Variants in PCDH9 observed in about 807,000 individuals in gnomAD.
The protein encoded by PCDH9 is protocadherin 9, also known as protocadherin-9.
Under a neutral mutation model 70.6 loss-of-function variants are expected in PCDH9, and 24 were observed. That is an observed-to-expected ratio of 0.34 (90% CI 0.25 to 0.48). The LOEUF is 0.48. Ranked by LOEUF, PCDH9 falls within the 20% of genes least tolerant of loss-of-function variation. PCDH9 has a pLI of 0.99. For synonymous variants in PCDH9, 562 were observed against 558.5 expected (o/e 1.01, Z -0.09); for missense variants, 1,281 against 1,503.6 (o/e 0.85, Z 2.45).
At chr13:66,678,777 C>A (rs1181186277) in intron 3 of PCDH9, among the ~76,000 whole-genome samples, 3 of 151,654 alleles carry the variant, frequency 2.0e-5, no homozygotes, top group African/African-American at 7.3e-5. Context: ...TTCAAAAAAT[C>A]TCAAAGAATT....
At chr13:66,664,972 T>G (rs1307549246) in intron 3 of PCDH9, among the ~76,000 whole-genome samples, 1 of 152,066 alleles carries the variant, frequency 6.6e-6, no homozygotes, top group Admixed American at 6.6e-5. Context: ...TAAAATGCAG[T>G]CTACTTACAC....
At chr13:66,688,644 G>A (rs1212430936) in intron 3 of PCDH9, among the ~76,000 whole-genome samples, 1 of 152,070 alleles carries the variant, frequency 6.6e-6, no homozygotes, top group Non-Finnish European at 1.5e-5. Context: ...TTCACCAATA[G>A]TGCAACTTTA....
At chr13:66,859,503 A>G (rs2119758) in intron 3 of PCDH9, among the ~76,000 whole-genome samples, 20,719 of 152,136 alleles carry the variant, frequency 0.14, 1,469 homozygotes, top group Middle Eastern at 0.21. Flanking sequence ...TTTTACATTC[A>G]CTATTTAAAT....
intron 4 of PCDH9, among the ~76,000 whole-genome samples, chr13:66,396,615 A>C (rs1057339776): frequency 6.6e-6 from 1 of 152,222 alleles, no homozygotes; most frequent in Non-Finnish European, 1.5e-5. Flanking sequence ...ACAACTAAAT[A>C]TCTGTGATTC....
At chr13:67,225,329 A>G (rs1313834706) in intron 2 of PCDH9, 76 bp downstream of exon 2, 20 of 1,463,224 alleles carry the variant, frequency 1.4e-5, no homozygotes, top group Non-Finnish European at 1.9e-5. Flanking sequence ...AAAACAATAG[A>G]CATACTGGCA....
intron 4 of PCDH9, among the ~76,000 whole-genome samples, chr13:66,559,416 T>C (rs1465642330): frequency 2.6e-5 from 4 of 152,146 alleles, no homozygotes; most frequent in African/African-American, 9.7e-5. Context: ...ATCCTACAAA[T>C]CTCTTCAGGA....
intron 3 of PCDH9, among the ~76,000 whole-genome samples, chr13:66,787,567 G>A (rs181960339): frequency 6.6e-6 from 1 of 151,860 alleles, no homozygotes; most frequent in East Asian, 1.9e-4. Flanking sequence ...AGTGAGCTGA[G>A]ATCACACCAC....
intron 2 of PCDH9, among the ~76,000 whole-genome samples, chr13:67,066,966 A>G (rs1337313564): frequency 6.6e-6 from 1 of 152,196 alleles, no homozygotes; most frequent in Admixed American, 6.5e-5. Flanking sequence ...GCACGGATCT[A>G]TATCCTCAAT....
intron 4 of PCDH9, among the ~76,000 whole-genome samples, chr13:66,527,605 A>G (rs1191234382): frequency 1.3e-5 from 2 of 152,004 alleles, no homozygotes. Context: ...TATGGTTGAA[A>G]CTCCTAAGGA....
intron 2 of PCDH9, among the ~76,000 whole-genome samples, chr13:67,110,932 A>C (rs1400182921): frequency 6.6e-6 from 1 of 152,198 alleles, no homozygotes; most frequent in Non-Finnish European, 1.5e-5. Flanking sequence ...TCACAGGATT[A>C]TAGGCTTATC....
Position 67,104,841 on chromosome 13 carries a change from G to A in PCDH9, c.3036+120564C>T, listed in dbSNP as rs182039751. Among the ~76,000 whole-genome samples, 8 of 152,298 alleles carry A rather than the reference G, an allele frequency of 5.3e-5. No individual in the cohort carries two copies. The East Asian group carries it at 1.4e-3, about 26-fold the overall frequency. On this transcript the variant is annotated intron_variant, in intron 2 of 4. Coordinates refer to ENST00000377865, the MANE Select transcript of PCDH9 (RefSeq NM_203487.3). ...TGGGATTACAGGCGCGAGCCACCGC[G>A]CTGGGCCAATAAAATGGTTTTAACC...
intron 4 of PCDH9, among the ~76,000 whole-genome samples, chr13:66,413,867 G>A (rs924278719): frequency 2.6e-5 from 4 of 151,974 alleles, no homozygotes; most frequent in Admixed American, 2.0e-4. Flanking sequence ...AAAAATGTAT[G>A]GCCTCTAAGC....
intron 3 of PCDH9, among the ~76,000 whole-genome samples, chr13:66,688,034 A>T (rs773763494): frequency 8.6e-5 from 13 of 151,936 alleles, no homozygotes; most frequent in Non-Finnish European, 1.5e-4. Context: ...TTTCAATATT[A>T]CCCAAATCGC....
At chr13:66,887,207 G>A (rs1430186052) in intron 3 of PCDH9, among the ~76,000 whole-genome samples, 1 of 151,508 alleles carries the variant, frequency 6.6e-6, no homozygotes, top group Non-Finnish European at 1.5e-5. Context: ...TTCTATTAGT[G>A]AATGTCTGGG....
At chr13:67,172,697 G>C (rs1223849544) in intron 2 of PCDH9, among the ~76,000 whole-genome samples, 1 of 151,912 alleles carries the variant, frequency 6.6e-6, no homozygotes, top group African/African-American at 2.4e-5. Context: ...GACCAAAAAG[G>C]GGAAACCCCA....
At chr13:66,870,811 A>G (rs1322402775) in intron 3 of PCDH9, among the ~76,000 whole-genome samples, 3 of 152,138 alleles carry the variant, frequency 2.0e-5, no homozygotes, top group Non-Finnish European at 4.4e-5. Flanking sequence ...TAGTTCAACC[A>G]TTGTGGAAGT....
chr13:66,950,364 T>A (rs999885785), intron 2 of PCDH9, among the ~76,000 whole-genome samples: 2 of 152,138 alleles, frequency 1.3e-5, no homozygotes, highest in African/African-American at 4.8e-5. Flanking sequence ...GAAATGCTAA[T>A]TTCCTCATCT....
At chr13:67,068,759 T>G (rs2085701503) in intron 2 of PCDH9, among the ~76,000 whole-genome samples, 2 of 152,138 alleles carry the variant, frequency 1.3e-5, no homozygotes, top group Admixed American at 1.3e-4. Flanking sequence ...TTTGCCAAAG[T>G]GACACATTTA....
At chr13:67,205,241 G>T (rs980276392) in intron 2 of PCDH9, 1 of 152,298 alleles carries the variant, frequency 6.6e-6, no homozygotes, top group Admixed American at 6.5e-5. Context: ...ATTAACAGGT[G>T]AATTTAACTT....
Sources: allele counts gnomAD v4.1 joint callset (sites outside exome capture counted in the v4.1 genomes callset), GRCh38; gene constraint gnomAD v4.1.1; transcripts MANE v1.5; gene names NCBI Gene and HGNC (gene_info 2026-07-23, HGNC 2026-07-21).